Variants in SORCS3 observed in about 807,000 individuals in gnomAD.
The protein encoded by SORCS3 is VPS10 domain-containing receptor SorCS3.
SORCS3 carries 57 observed loss-of-function variants against 146.3 expected under a neutral mutation model. The observed-to-expected ratio is 0.39, with a 90% confidence interval of 0.31 to 0.49. The LOEUF (loss-of-function observed/expected upper bound fraction) is 0.49. Ranked by LOEUF, SORCS3 falls within the 20% of genes least tolerant of loss-of-function variation. The pLI, the probability that SORCS3 is intolerant of heterozygous loss-of-function variation, is 0.92. For missense variants in SORCS3, 1,341 were observed against 1,575.5 expected (o/e 0.85, Z 2.52); for synonymous variants, 653 against 618.5 (o/e 1.06, Z -0.83).
intron 1 of SORCS3, among the ~76,000 whole-genome samples, chr10:104,696,509 T>TAGAATATAG (rs2016203239): frequency 7.8e-5 from 5 of 63,816 alleles, no homozygotes; most frequent in Non-Finnish European, 1.1e-4. Flanking sequence ...ATATAATATA[T>TAGAATATAG]AATATATAAT....
chr10:105,151,322 A>G (rs1362749178), intron 9 of SORCS3, among the ~76,000 whole-genome samples: 1 of 152,212 alleles, frequency 6.6e-6, no homozygotes, highest in African/African-American at 2.4e-5. Context: ...ATATACTGGT[A>G]AAAAGCTGAC....
chr10:104,705,665 G>A (rs2016328673), intron 1 of SORCS3, among the ~76,000 whole-genome samples: 1 of 152,192 alleles, frequency 6.6e-6, no homozygotes, highest in Non-Finnish European at 1.5e-5. Context: ...TTGTGTATAT[G>A]AGAATGGAAT....
intron 5 of SORCS3, among the ~76,000 whole-genome samples, chr10:105,049,248 C>T (rs2055395012): frequency 6.6e-6 from 1 of 152,072 alleles, no homozygotes; most frequent in Non-Finnish European, 1.5e-5. Context: ...ACACACGAGT[C>T]TTCCTAAAAC....
intron 1 of SORCS3, among the ~76,000 whole-genome samples, chr10:104,817,893 C>A (rs1020154682): frequency 4.6e-5 from 7 of 151,764 alleles, no homozygotes; most frequent in Non-Finnish European, 1.0e-4. Flanking sequence ...GCCAAGCATG[C>A]TGGCCCTGAG....
chr10:104,652,194 A>C (rs1425837909), intron 1 of SORCS3, among the ~76,000 whole-genome samples: 6 of 152,130 alleles, frequency 3.9e-5, no homozygotes, highest in African/African-American at 1.4e-4. Flanking sequence ...GTCTTACTTC[A>C]AGCAGATATA....
At chr10:104,966,028 T>C (rs1384209415) in intron 3 of SORCS3, among the ~76,000 whole-genome samples, 1 of 152,138 alleles carries the variant, frequency 6.6e-6, no homozygotes, top group Non-Finnish European at 1.5e-5. Flanking sequence ...CATATTTTAC[T>C]TGTAATAATC....
chr10:104,664,542 A>T (rs1371950723), intron 1 of SORCS3: 1 of 152,222 alleles, frequency 6.6e-6, no homozygotes, highest in East Asian at 1.9e-4. Context: ...ATGTCACCAC[A>T]TTCCTCCTCT....
intron 20 of SORCS3, among the ~76,000 whole-genome samples, chr10:105,232,829 T>C (rs1052191803): frequency 9.9e-5 from 15 of 152,086 alleles, no homozygotes; most frequent in Admixed American, 8.5e-4. Context: ...TTTGGGACTT[T>C]CTAGTTATCT....
chr10:105,206,336 T>C (rs1213761850), intron 16 of SORCS3, among the ~76,000 whole-genome samples: 1 of 152,232 alleles, frequency 6.6e-6, no homozygotes, highest in African/African-American at 2.4e-5. Flanking sequence ...TAAAAAATGT[T>C]ATTCCTTCAT....
At chr10:104,673,878 C>T (rs952124331) in intron 1 of SORCS3, among the ~76,000 whole-genome samples, 4 of 152,194 alleles carry the variant, frequency 2.6e-5, no homozygotes, top group African/African-American at 7.2e-5. Flanking sequence ...AAAAACTCTC[C>T]TCCTTTAGCA....
At chr10:104,955,190 T>G (rs1339666318) in intron 3 of SORCS3, among the ~76,000 whole-genome samples, 1 of 151,802 alleles carries the variant, frequency 6.6e-6, no homozygotes. Flanking sequence ...CCTATATCCC[T>G]AGTCTCTGGC....
chr10:105,057,555 A>G (rs2055453819), intron 5 of SORCS3, among the ~76,000 whole-genome samples: 1 of 152,120 alleles, frequency 6.6e-6, no homozygotes, highest in Admixed American at 6.6e-5. Context: ...CAGTGGGCTC[A>G]CCCTGATTTG....
At chr10:104,732,347 C>A (rs76249796) in intron 1 of SORCS3, among the ~76,000 whole-genome samples, 1 of 152,282 alleles carries the variant, frequency 6.6e-6, no homozygotes, top group Non-Finnish European at 1.5e-5. Context: ...AGGTCAGGGC[C>A]ATTGTTACAT....
intron 1 of SORCS3, among the ~76,000 whole-genome samples, chr10:104,651,278 C>G (rs2015555156): frequency 6.6e-6 from 1 of 152,126 alleles, no homozygotes; most frequent in Non-Finnish European, 1.5e-5. Flanking sequence ...GAGAAGGTCC[C>G]TAAGCCACAG....
intron 1 of SORCS3, among the ~76,000 whole-genome samples, chr10:104,698,740 G>T (rs571171077): frequency 6.6e-6 from 1 of 152,226 alleles, no homozygotes; most frequent in Admixed American, 6.5e-5. Context: ...ACCCTGAGAG[G>T]CTGGCATTGT....
intron 9 of SORCS3, among the ~76,000 whole-genome samples, chr10:105,154,502 G>T (rs543253111): frequency 1.3e-5 from 2 of 152,298 alleles, no homozygotes; most frequent in South Asian, 2.1e-4. Context: ...TAGACACCTT[G>T]TATTGTTCTC....
intron 3 of SORCS3, among the ~76,000 whole-genome samples, chr10:104,972,901 T>G (rs1388010816): frequency 6.6e-6 from 1 of 152,210 alleles, no homozygotes; most frequent in African/African-American, 2.4e-5. Flanking sequence ...GTTTTTAGCA[T>G]GAAGGGTTGT....
intron 4 of SORCS3, among the ~76,000 whole-genome samples, chr10:105,018,811 A>G (rs367564726): frequency 2.6e-4 from 38 of 146,684 alleles, no homozygotes; most frequent in African/African-American, 9.6e-4. Flanking sequence ...CTCACTTTCT[A>G]TTACCTCTCT....
intron 4 of SORCS3, among the ~76,000 whole-genome samples, chr10:105,038,801 T>G (rs895117987): frequency 2.0e-5 from 3 of 152,318 alleles, no homozygotes; most frequent in African/African-American, 7.2e-5. Context: ...ATGAGAATTT[T>G]AATATCCTTA....
Sources: allele counts gnomAD v4.1 joint callset (sites outside exome capture counted in the v4.1 genomes callset), GRCh38; gene constraint gnomAD v4.1.1; transcripts MANE v1.5; gene names NCBI Gene and HGNC (gene_info 2026-07-23, HGNC 2026-07-21).